PTCHD4: variants seen among roughly 807,000 people sequenced by gnomAD.
PTCHD4 encodes the protein patched domain-containing protein 4.
Under a neutral mutation model 58.1 loss-of-function variants are expected in PTCHD4, and 33 were observed. The ratio of observed to expected loss-of-function variants is 0.57; its 90% CI spans 0.43 to 0.76. The LOEUF (loss-of-function observed/expected upper bound fraction) is 0.76. Among genes scored for constraint, PTCHD4 ranks in the 30% least tolerant of loss-of-function variants. The pLI is 0.00. For synonymous variants in PTCHD4, 478 were observed against 409.6 expected, an observed-to-expected ratio of 1.17 and a Z score of -2.02; for missense variants, 1,058 against 1,027.1, an observed-to-expected ratio of 1.03 and a Z score of -0.41.
At chr6:47,969,786 C>A (rs1042622086) in intron 4 of PTCHD4, among the ~76,000 whole-genome samples, 8 of 152,070 alleles carry the variant, frequency 5.3e-5, no homozygotes, top group Admixed American at 3.3e-4. Flanking sequence ...TTACAGATGG[C>A]AGAATACAAT....
chr6:48,013,177 GA>G (rs1387329223), intron 3 of PTCHD4, among the ~76,000 whole-genome samples: 1 of 152,048 alleles, frequency 6.6e-6, no homozygotes, highest in East Asian at 1.9e-4. Flanking sequence ...AACTCTGGTA[GA>G]ATTCGGCTGT....
chr6:47,880,986 G>A (rs572151143), intron 4 of PTCHD4, among the ~76,000 whole-genome samples: 1 of 152,172 alleles, frequency 6.6e-6, no homozygotes, highest in Non-Finnish European at 1.5e-5. Flanking sequence ...TTCTGAGTGA[G>A]TGGAAATCTT....
chr6:48,002,003 G>A (rs1057132130), intron 4 of PTCHD4, among the ~76,000 whole-genome samples: 2 of 152,132 alleles, frequency 1.3e-5, no homozygotes, highest in African/African-American at 4.8e-5. Context: ...AAAGACACAT[G>A]AAAAAATGTT....
At chr6:48,055,973 T>A (rs1412481189) in intron 3 of PTCHD4, among the ~76,000 whole-genome samples, 1 of 152,216 alleles carries the variant, frequency 6.6e-6, no homozygotes, top group East Asian at 1.9e-4. Flanking sequence ...GAGCCACATA[T>A]GGAATATTAG....
intron 3 of PTCHD4, among the ~76,000 whole-genome samples, chr6:48,011,368 T>G (rs1762665635): frequency 6.6e-6 from 1 of 152,208 alleles, no homozygotes; most frequent in African/African-American, 2.4e-5. Context: ...TTGGCCTCAT[T>G]AAATGTCTTC....
At chr6:47,969,201 G>A (rs1474433074) in intron 4 of PTCHD4, among the ~76,000 whole-genome samples, 7 of 152,088 alleles carry the variant, frequency 4.6e-5, no homozygotes, top group East Asian at 1.9e-4. Flanking sequence ...TATTCATCCC[G>A]TAAACTTCAG....
At chr6:47,929,245 G>C (rs1014760016) in intron 4 of PTCHD4, among the ~76,000 whole-genome samples, 1 of 152,032 alleles carries the variant, frequency 6.6e-6, no homozygotes, top group African/African-American at 2.4e-5. Context: ...AAATGAAAAC[G>C]TTCATTTGAA....
At position 47,859,517 on chromosome 6, in the gene PTCHD4, C is replaced by T. The variant is rs78697846; in HGVS notation, c.*18786G>A. 3.0e-3 allele frequency among the ~76,000 whole-genome samples: 459 copies of T among 152,016 alleles called. 3 individuals are homozygous for T. Among genetic ancestry groups the T allele is most frequent in the African/African-American group, 0.01 (418 of 41,512 alleles). On this transcript the variant is annotated 3_prime_UTR_variant, in exon 5 of 5. Coordinates refer to ENST00000339488, the MANE Select transcript of PTCHD4 (RefSeq NM_001384253.1). ...AAACACTTGAAGCTTTCAAGGTCTACCTGAACTAATTTCTTCCCTCCCTCC... is the reference window on the plus strand; with the variant it reads ...AAACACTTGAAGCTTTCAAGGTCTATCTGAACTAATTTCTTCCCTCCCTCC...
At chr6:47,993,676 T>C (rs1768365293) in intron 4 of PTCHD4, among the ~76,000 whole-genome samples, 1 of 152,146 alleles carries the variant, frequency 6.6e-6, no homozygotes, top group South Asian at 2.1e-4. Context: ...CCTTTGAACA[T>C]GTTTGTTTGG....
intron 4 of PTCHD4, among the ~76,000 whole-genome samples, chr6:47,887,936 A>G (rs1764245281): frequency 6.6e-6 from 1 of 152,198 alleles, no homozygotes; most frequent in Non-Finnish European, 1.5e-5. Flanking sequence ...GACATGTATG[A>G]TGGTTTTACC....
intron 4 of PTCHD4, among the ~76,000 whole-genome samples, chr6:47,946,719 C>CT (rs1356928841): frequency 1.3e-5 from 2 of 151,872 alleles, no homozygotes; most frequent in African/African-American, 4.8e-5. Context: ...TTATTTTGTG[C>CT]TTTTTTATTG....
chr6:47,922,510 A>C (rs1384137736), intron 4 of PTCHD4, among the ~76,000 whole-genome samples: 3 of 150,626 alleles, frequency 2.0e-5, no homozygotes, highest in African/African-American at 7.2e-5. Flanking sequence ...CAGTTCCATC[A>C]GTTCACAACT....
intron 4 of PTCHD4, among the ~76,000 whole-genome samples, chr6:47,968,019 A>G (rs942599762): frequency 1.3e-5 from 2 of 152,154 alleles, no homozygotes; most frequent in Non-Finnish European, 2.9e-5. Context: ...CAACTTGGCT[A>G]GCTGGCGCAA....
At chr6:47,895,118 G>C (rs1320932319) in intron 4 of PTCHD4, among the ~76,000 whole-genome samples, 1 of 149,930 alleles carries the variant, frequency 6.7e-6, no homozygotes, top group Non-Finnish European at 1.5e-5. Context: ...CTCGGCGACA[G>C]AGTGAGATTC....
chr6:47,912,272 C>T (rs912483884), intron 4 of PTCHD4, among the ~76,000 whole-genome samples: 1 of 151,794 alleles, frequency 6.6e-6, no homozygotes, highest in African/African-American at 2.4e-5. Context: ...AATTCCCACC[C>T]CCATCCCATC....
rs551202249 is a variant in PTCHD4, at chr6:47,961,264, T to A, written c.898+47370A>T. Among the ~76,000 whole-genome samples the A allele has an allele frequency of 7.9e-5, 12 of 152,162 alleles. No individual in the cohort carries two copies. In the South Asian group the frequency reaches 8.3e-4, roughly 11 times the overall value. On this transcript the variant is annotated intron_variant, in intron 4 of 4. Coordinates refer to ENST00000339488, the MANE Select transcript of PTCHD4 (RefSeq NM_001384253.1). ...ACTTACAAAAGTGAAATTGTTTGTATTAATATTTAACAAAGTAAATTTCTT... is the reference window on the plus strand; with the variant it reads ...ACTTACAAAAGTGAAATTGTTTGTAATAATATTTAACAAAGTAAATTTCTT...
chr6:47,961,862 C>T (rs113284615), intron 4 of PTCHD4, among the ~76,000 whole-genome samples: 1 of 151,556 alleles, frequency 6.6e-6, no homozygotes, highest in African/African-American at 2.4e-5. Flanking sequence ...AGGAAACTAG[C>T]AAAATAAAAT....
Position 48,068,162 on chromosome 6 carries a change from C to T in PTCHD4, c.417+68G>A. On this transcript the variant is annotated intron_variant, in intron 3 of 4. Coordinates refer to ENST00000339488, the MANE Select transcript of PTCHD4 (RefSeq NM_001384253.1). This position sits in a 1 kb window ranked among gnomAD's most constrained non-coding sequence, Gnocchi z 4.2. ...CACTGAAATAATATCATCCAGCACG[C>T]ATTTCTTATCCTGATTTCTCAACAC... is the stretch of plus-strand genomic sequence containing the variant. 6.9e-7 allele frequency: 1 copy of T among 1,453,820 alleles called. No individual in the cohort carries two copies. Among genetic ancestry groups the T allele is most frequent in the East Asian group, 2.3e-5 (1 of 43,492 alleles). The allele number at this position is 1,453,820 out of a possible 1,614,324, so 90.1% of individuals were successfully genotyped here. A position where few individuals can be genotyped will look rare whatever the true frequency, so the allele number is the denominator to read the frequency against.
chr6:48,106,599 C>A lies in PTCHD4; in HGVS notation c.-970+4450G>T, dbSNP rs534782920. Among the ~76,000 whole-genome samples the A allele has an allele frequency of 1.4e-4, 21 of 152,186 alleles. No individual in the cohort carries two copies. The South Asian group carries it at 3.9e-3, about 29-fold the overall frequency. On this transcript the variant is annotated intron_variant, in intron 1 of 4. Coordinates refer to ENST00000339488, the MANE Select transcript of PTCHD4 (RefSeq NM_001384253.1). ...TCAATATAGTGTTGGAAGTTCTGGC[C>A]AGGGCAATCAGGCAGGAGAAGGAAA... is the stretch of plus-strand genomic sequence containing the variant.
Sources: gnomAD v4.1 joint callset for allele counts (sites outside exome capture counted in the v4.1 genomes callset) on GRCh38, gnomAD v4.1.1 for gene constraint, Gnocchi (gnomAD v3.1) non-coding constraint, MANE v1.5 for transcripts, NCBI Gene and HGNC (gene_info 2026-07-23, HGNC 2026-07-21) for gene names.